Variants in SLC38A1 observed in about 807,000 individuals in gnomAD.
SLC38A1 encodes sodium-coupled neutral amino acid symporter 1.
Under a neutral mutation model 60.3 loss-of-function variants are expected in SLC38A1, and 18 were observed. The observed-to-expected ratio is 0.30, with a 90% CI of 0.21 to 0.44. The LOEUF (loss-of-function observed/expected upper bound fraction) is 0.44. SLC38A1 is among the 20% of genes least tolerant of loss of function. The pLI is 1.00. For synonymous variants in SLC38A1, 196 were observed against 212.1 expected (o/e 0.92, Z 0.66); for missense variants, 448 against 587.2 (o/e 0.76, Z 2.45).
Position 46,196,030 on chromosome 12 carries a change from A to G in SLC38A1, c.1362+1690T>C, listed in dbSNP as rs1456262941. On this transcript the variant is annotated intron_variant, in intron 16 of 16. Coordinates refer to ENST00000398637, the MANE Select transcript of SLC38A1 (RefSeq NM_030674.4). ...GAAATGCAGAAATCACCCATCTTCT[A>G]CATCGATCTTGCTGGGAGCTGCAGA... is the stretch of plus-strand genomic sequence containing the variant. 40 of 947,494 alleles carry G rather than the reference A, an allele frequency of 4.2e-5. No individual in the cohort carries two copies. In the East Asian group the frequency reaches 9.1e-4, roughly 22 times the overall value. The allele number at this position is 947,494 out of a possible 1,614,324, so 58.7% of individuals were successfully genotyped here. A position where few individuals can be genotyped will look rare whatever the true frequency, so the allele number is the denominator to read the frequency against.
Position 46,195,533 on chromosome 12 carries a change from AT to A in SLC38A1, c.1362+2186del, listed in dbSNP as rs199720602. Among the ~76,000 whole-genome samples, 964 of 152,234 alleles carry A rather than the reference AT, an allele frequency of 6.3e-3. 6 individuals carry two copies. The highest frequency in any genetic ancestry group is 0.022 in the African/African-American group (906 of 41,546). On this transcript the variant is annotated intron_variant, in intron 16 of 16. Transcript: ENST00000398637. ...GCTGTCTGCTGCGTTTTTTTCTGCC[AT>A]GCCCTGCCTCCAGAGGTGGAATCTA...
At chr12:46,252,477 TAATA>T (rs1941883174) in intron 1 of SLC38A1, among the ~76,000 whole-genome samples, 1 of 151,856 alleles carries the variant, frequency 6.6e-6, no homozygotes, top group Non-Finnish European at 1.5e-5. Context: ...CCTAGAACTA[TAATA>T]TATATACCCT....
At chr12:46,204,725 T>G (rs906050991) in intron 9 of SLC38A1, 135 bp from the exon 10 acceptor site, 6 of 640,030 alleles carry the variant, frequency 9.4e-6, no homozygotes, top group Non-Finnish European at 1.6e-5. Flanking sequence ...AAGCATATTT[T>G]AGAGATCCAA....
At chr12:46,196,593 G>A (rs1939390032) in intron 16 of SLC38A1, among the ~76,000 whole-genome samples, 1 of 152,196 alleles carries the variant, frequency 6.6e-6, no homozygotes, top group Non-Finnish European at 1.5e-5. Flanking sequence ...CTTCAGGGGT[G>A]ATCATGTTGG....
chr12:46,203,222 T>A, intron 11 of SLC38A1, 133 bp from the exon 12 acceptor site: 4 of 729,806 alleles, frequency 5.5e-6, no homozygotes, highest in Non-Finnish European at 9.0e-6. Flanking sequence ...ATTAGGGAGG[T>A]TTTGATCTCT....
chr12:46,209,943 A>G (rs1940078356), intron 5 of SLC38A1, among the ~76,000 whole-genome samples: 1 of 152,220 alleles, frequency 6.6e-6, no homozygotes, highest in Admixed American at 6.5e-5. Flanking sequence ...AAAAGAAGAA[A>G]AAAAATCCAG....
intron 3 of SLC38A1, among the ~76,000 whole-genome samples, chr12:46,230,102 T>G (rs759865078): frequency 3.3e-5 from 5 of 152,222 alleles, no homozygotes; most frequent in Non-Finnish European, 7.3e-5. Context: ...AACCTGGTAT[T>G]TAAAAGGATA....
intron 1 of SLC38A1, among the ~76,000 whole-genome samples, chr12:46,247,899 T>G (rs750412333): frequency 2.6e-5 from 4 of 152,008 alleles, no homozygotes; most frequent in East Asian, 3.9e-4. Flanking sequence ...TGAAAGAAAA[T>G]AATTTTCAAC....
In SLC38A1 at chr12:46,187,802, A is replaced by G. The variant is rs1462734419; in HGVS notation, c.*1168T>C. On this transcript the variant is annotated 3_prime_UTR_variant, in exon 17 of 17. Transcript: ENST00000398637. Reference sequence around the variant, plus strand: ...TGAGGGTTTTTTTTTTTTTTTTTTCACAAGACTAGATGGAGAATTAATGAA... The same window carrying G: ...TGAGGGTTTTTTTTTTTTTTTTTTCGCAAGACTAGATGGAGAATTAATGAA... 7.3e-6 allele frequency: 1 copy of G among 137,748 alleles called. No individual in the cohort carries two copies. The allele number at this position is 137,748 out of a possible 1,614,324, so 8.5% of individuals were successfully genotyped here.
Position 46,197,796 on chromosome 12 carries a change from A to G in SLC38A1, c.1286T>C (p.Leu429Pro). 6.2e-7 allele frequency: 1 copy of G among 1,601,660 alleles called. No individual in the cohort carries two copies. Among genetic ancestry groups the G allele is most frequent in the Non-Finnish European group, 8.5e-7 (1 of 1,176,302 alleles). Residue 429 changes from leucine (L) to proline (P), a missense_variant, in exon 16 of 17, where the codon CTT (leucine) becomes CCT (proline). Around this residue, in one of 2 missense-constraint regions of SLC38A1, gnomAD observed 346 missense variants for 497.5 expected, o/e 0.70. Transcript: ENST00000398637. ...GVVGVTSANM[L>P]IFILPSSLYL... ...AAGAGATGAAGGAAGAATGAAAATAAGCATGTTAGCAGATGTAACTCCTGT... is the reference window on the plus strand; with the variant it reads ...AAGAGATGAAGGAAGAATGAAAATAGGCATGTTAGCAGATGTAACTCCTGT...
intron 1 of SLC38A1, among the ~76,000 whole-genome samples, chr12:46,266,136 G>T (rs1172500921): frequency 4.6e-5 from 7 of 152,120 alleles, no homozygotes; most frequent in Non-Finnish European, 7.4e-5. Flanking sequence ...TGAACAAGAT[G>T]GCCTGATCAA....
chr12:46,261,432 C>T lies in SLC38A1; in HGVS notation c.-209+7094G>A, dbSNP rs1942193368. 2.0e-5 allele frequency among the ~76,000 whole-genome samples: 3 copies of T among 152,150 alleles called. No individual in the cohort carries two copies. The South Asian group carries it at 6.2e-4, about 32-fold the overall frequency. ...TTCCTTGGGGACAAGGACCATACAT[C>T]TCAAAGGTCTAGTATATGGTGACAG... On this transcript the variant is annotated intron_variant, in intron 1 of 16. Transcript: ENST00000398637.
chr12:46,249,155 C>CAAAAAAAAAAAAAAAAA (rs59948188), intron 1 of SLC38A1, among the ~76,000 whole-genome samples: 3 of 46,506 alleles, frequency 6.5e-5, no homozygotes, highest in South Asian at 7.5e-4. Flanking sequence ...GACTCCGCCT[C>CAAAAAAAAAAAAAAAAA]AAAAAAAAAA....
At chr12:46,245,857 T>A (rs981961661) in intron 1 of SLC38A1, among the ~76,000 whole-genome samples, 1 of 152,236 alleles carries the variant, frequency 6.6e-6, no homozygotes, top group African/African-American at 2.4e-5. Flanking sequence ...TTTCTTCCTT[T>A]TTTATTTTTA....
At chr12:46,254,549 G>C (rs1175493113) in intron 1 of SLC38A1, among the ~76,000 whole-genome samples, 1 of 152,162 alleles carries the variant, frequency 6.6e-6, no homozygotes, top group Non-Finnish European at 1.5e-5. Context: ...ACCAAGCCTT[G>C]CAATGAGTTT....
chr12:46,198,764 G>A (rs751878088), intron 13 of SLC38A1, 21 bp from the exon 14 acceptor site: 1 of 1,510,574 alleles, frequency 6.6e-7, no homozygotes. Context: ...GGAAAAGCAA[G>A]AGGGTTTTAA....
At chr12:46,225,774 G>A (rs1940839511) in intron 5 of SLC38A1, among the ~76,000 whole-genome samples, 1 of 152,104 alleles carries the variant, frequency 6.6e-6, no homozygotes, top group African/African-American at 2.4e-5. Context: ...TCTGACATCT[G>A]GGCAAAGAGT....
Position 46,204,319 on chromosome 12 carries a change from A to G in SLC38A1, c.804T>C (p.Tyr268=). 1.2e-6 allele frequency: 2 copies of G among 1,608,768 alleles called. No individual in the cohort carries two copies. The highest frequency in any genetic ancestry group is 1.7e-6 in the Non-Finnish European group (2 of 1,175,248). The change falls in exon 11 of 17, where the codon TAT becomes TAC. Residue 268 remains tyrosine (Y), a synonymous_variant. Transcript: ENST00000398637. ...STNADTCTPK[Y]VTFNSKTVYA... ...AACTTACCTTTGAATTGAAGGTAACATATTTTGGCGTACACGTGTCAGCAT... is the reference window on the plus strand; with the variant it reads ...AACTTACCTTTGAATTGAAGGTAACGTATTTTGGCGTACACGTGTCAGCAT...
chr12:46,223,452 T>TCACA (rs146387838), intron 5 of SLC38A1, among the ~76,000 whole-genome samples: 8,378 of 146,114 alleles, frequency 0.057, 590 homozygotes, highest in African/African-American at 0.16. Context: ...TCTCTCACAT[T>TCACA]CACACACACA....
Sources: gnomAD v4.1 joint callset for allele counts (sites outside exome capture counted in the v4.1 genomes callset) on GRCh38, gnomAD v4.1.1 for gene constraint, gnomAD v4.1.1 regional missense constraint, MANE v1.5 for transcripts, NCBI Gene and HGNC (gene_info 2026-07-23, HGNC 2026-07-21) for gene names.